The following STK39 variants were observed in gnomAD, a reference collection of about 807,000 sequenced individuals.
STK39 encodes the protein STE20/SPS1-related proline-alanine-rich protein kinase.
In STK39, 20 loss-of-function variants were observed where a neutral mutation model predicts 77.8. The observed-to-expected ratio is 0.26, with a 90% CI of 0.18 to 0.37. The LOEUF is 0.37. STK39 is among the 10% of genes least tolerant of loss of function. The pLI is 1.00. For synonymous variants in STK39, 246 were observed against 234.1 expected, an observed-to-expected ratio of 1.05 and a Z score of -0.47; for missense variants, 479 against 656.5, an observed-to-expected ratio of 0.73 and a Z score of 2.95.
At chr2:168,173,660 C>T (rs1574526693) in intron 2 of STK39, among the ~76,000 whole-genome samples, 1 of 152,036 alleles carries the variant, frequency 6.6e-6, no homozygotes, top group Admixed American at 6.6e-5. Context: ...TGGGTTCAAG[C>T]GATTCTCCTG....
chr2:168,202,487 G>A (rs1689635769), intron 1 of STK39, among the ~76,000 whole-genome samples: 2 of 152,058 alleles, frequency 1.3e-5, no homozygotes, highest in Non-Finnish European at 2.9e-5. Context: ...TTTCTTAAGT[G>A]GCAGAAGAAA....
chr2:168,156,655 C>T (rs10497336), intron 5 of STK39, among the ~76,000 whole-genome samples: 33,187 of 152,126 alleles, frequency 0.22, 3,961 homozygotes, highest in East Asian at 0.48. Flanking sequence ...TTTAATGCCG[C>T]AGTATATTCT....
At chr2:168,243,321 T>C (rs773798529) in intron 1 of STK39, among the ~76,000 whole-genome samples, 3 of 152,224 alleles carry the variant, frequency 2.0e-5, no homozygotes, top group African/African-American at 4.8e-5. Context: ...GACCTGGCCA[T>C]ATGTGCTATT....
At chr2:168,092,796 CCAATGGCCG>C (rs774403345) in intron 10 of STK39, among the ~76,000 whole-genome samples, 1 of 152,074 alleles carries the variant, frequency 6.6e-6, no homozygotes, top group Non-Finnish European at 1.5e-5. Context: ...CAATAAGAGT[CCAATGGCCG>C]CATTGTAGAT....
chr2:168,100,509 C>T (rs1313382347), intron 10 of STK39, among the ~76,000 whole-genome samples: 5 of 152,180 alleles, frequency 3.3e-5, no homozygotes, highest in African/African-American at 1.2e-4. Context: ...AGCGATCCTC[C>T]TGCCACGGCC....
intron 16 of STK39, among the ~76,000 whole-genome samples, chr2:168,000,228 A>T (rs549807712): frequency 4.2e-4 from 64 of 152,238 alleles, no homozygotes; most frequent in African/African-American, 1.5e-3. Flanking sequence ...CACTGTTCAG[A>T]GTTATTCTAA....
chr2:168,018,713 CTG>C (rs1276071188), intron 14 of STK39, among the ~76,000 whole-genome samples: 2 of 152,090 alleles, frequency 1.3e-5, no homozygotes, highest in Admixed American at 6.6e-5. Context: ...AGCTGGGAAA[CTG>C]AGCATTCGCA....
At chr2:167,986,531 C>T (rs991094996) in intron 16 of STK39, among the ~76,000 whole-genome samples, 2 of 152,118 alleles carry the variant, frequency 1.3e-5, no homozygotes, top group African/African-American at 2.4e-5. Flanking sequence ...CCATTCCTTC[C>T]CTCTTAGATA....
intron 10 of STK39, among the ~76,000 whole-genome samples, chr2:168,115,476 G>C (rs1187598297): frequency 6.6e-6 from 1 of 151,990 alleles, no homozygotes; most frequent in African/African-American, 2.4e-5. Flanking sequence ...TAACAAAATA[G>C]GTAACATCTA....
intron 10 of STK39, among the ~76,000 whole-genome samples, chr2:168,076,042 C>A (rs1686069120): frequency 1.3e-5 from 2 of 152,136 alleles, no homozygotes; most frequent in African/African-American, 4.8e-5. Context: ...AAGTGAGCCT[C>A]TGAGACCAAA....
intron 1 of STK39, among the ~76,000 whole-genome samples, chr2:168,203,172 A>T (rs1689655017): frequency 6.6e-6 from 1 of 152,118 alleles, no homozygotes; most frequent in Non-Finnish European, 1.5e-5. Flanking sequence ...AAACTGTTTC[A>T]GAGGCTCAGG....
chr2:168,130,103 C>A (rs906017838), intron 8 of STK39, among the ~76,000 whole-genome samples: 2 of 152,146 alleles, frequency 1.3e-5, no homozygotes. Context: ...TATTAAGAAA[C>A]CATACAAGCT....
At chr2:168,121,232 G>A (rs1487075459) in intron 10 of STK39, among the ~76,000 whole-genome samples, 2 of 152,104 alleles carry the variant, frequency 1.3e-5, no homozygotes, top group Non-Finnish European at 2.9e-5. Context: ...TGTGACTTTG[G>A]GCAGGTCCTT....
chr2:168,113,207 C>G (rs1278386338), intron 10 of STK39: 1 of 152,156 alleles, frequency 6.6e-6, no homozygotes, highest in Admixed American at 6.6e-5. Context: ...CACATCCCCC[C>G]CTCTATTATA....
chr2:168,167,504 C>T, intron 2 of STK39, 97 bp from the exon 3 acceptor site: 1 of 1,044,594 alleles, frequency 9.6e-7, no homozygotes, highest in South Asian at 1.4e-5. Flanking sequence ...AACTTTCCTA[C>T]TCGAAAGCCT....
At chr2:168,019,030 C>A (rs912483924) in intron 14 of STK39, among the ~76,000 whole-genome samples, 1 of 152,038 alleles carries the variant, frequency 6.6e-6, no homozygotes, top group African/African-American at 2.4e-5. Flanking sequence ...GATATGAGAG[C>A]CTTGGACCTT....
intron 1 of STK39, among the ~76,000 whole-genome samples, chr2:168,224,036 C>G (rs1027000816): frequency 6.6e-6 from 1 of 151,910 alleles, no homozygotes; most frequent in Non-Finnish European, 1.5e-5. Context: ...CATAAACACA[C>G]AAATATATCT....
intron 14 of STK39, among the ~76,000 whole-genome samples, chr2:168,022,324 T>C (rs1192239606): frequency 1.3e-5 from 2 of 152,250 alleles, no homozygotes; most frequent in Non-Finnish European, 2.9e-5. Context: ...ACACACATTA[T>C]GAAATTCCCC....
At chr2:168,013,325 T>A (rs1053880942) in intron 15 of STK39, among the ~76,000 whole-genome samples, 1 of 152,218 alleles carries the variant, frequency 6.6e-6, no homozygotes, top group African/African-American at 2.4e-5. Context: ...GTTCGCAATC[T>A]CATAAGGATG....
Sources: allele counts gnomAD v4.1 joint callset (sites outside exome capture counted in the v4.1 genomes callset), GRCh38; gene constraint gnomAD v4.1.1; transcripts MANE v1.5; gene names NCBI Gene and HGNC (gene_info 2026-07-23, HGNC 2026-07-21).